The following MEIS1 variants were observed in gnomAD, a reference collection of about 807,000 sequenced individuals.
MEIS1 encodes the protein Meis homeobox 1.
In MEIS1, 5 loss-of-function variants were observed where a neutral mutation model predicts 50.8. That is an observed-to-expected ratio of 0.10 (90% CI 0.05 to 0.21). MEIS1 has a LOEUF of 0.21. Ranked by LOEUF, MEIS1 falls within the 10% of genes least tolerant of loss-of-function variation. The pLI, the probability that MEIS1 is intolerant of heterozygous loss-of-function variation, is 1.00. For missense variants in MEIS1, 318 were observed against 517.3 expected (o/e 0.61, Z 3.74); for synonymous variants, 176 against 179.3 (o/e 0.98, Z 0.15).
intron 6 of MEIS1, among the ~76,000 whole-genome samples, chr2:66,446,951 G>C (rs1175269012): frequency 6.6e-6 from 1 of 152,162 alleles, no homozygotes; most frequent in Non-Finnish European, 1.5e-5. Flanking sequence ...GCAGAGTTTG[G>C]CTTAAAATCC....
chr2:66,546,129 C>G (rs1178947661), intron 8 of MEIS1, among the ~76,000 whole-genome samples: 1 of 152,128 alleles, frequency 6.6e-6, no homozygotes, highest in Non-Finnish European at 1.5e-5. Flanking sequence ...GCAGGTGCTT[C>G]AGAGAGTGAT....
intron 9 of MEIS1, among the ~76,000 whole-genome samples, chr2:66,560,187 A>C (rs1675178108): frequency 2.0e-5 from 3 of 150,348 alleles, no homozygotes; most frequent in Non-Finnish European, 4.4e-5. Flanking sequence ...CCAAGTGATG[A>C]ATTATTTGAA....
intron 7 of MEIS1, among the ~76,000 whole-genome samples, chr2:66,470,374 T>C (rs188242882): frequency 0.012 from 1,890 of 152,276 alleles, 23 homozygotes; most frequent in Non-Finnish European, 0.015. Context: ...GCTCCACAAA[T>C]GGCCGTTATC....
intron 8 of MEIS1, among the ~76,000 whole-genome samples, chr2:66,535,341 C>CTATA (rs150221482): frequency 0.095 from 14,389 of 152,048 alleles, 782 homozygotes; most frequent in African/African-American, 0.15. Context: ...AAATGTAAAG[C>CTATA]TATATACAAA....
Position 66,548,028 on chromosome 2 carries a change from T to C in MEIS1, c.965+9T>C. The C allele has an allele frequency of 6.2e-7, 1 of 1,612,142 alleles. No homozygotes were observed. Among genetic ancestry groups the C allele is most frequent in the South Asian group, 1.1e-5 (1 of 90,824 alleles). ...CTTCAAGTGAACAATTGGTAAGTAATTTGGCTTTGTGTTTACACACAATCT... is the reference window on the plus strand; with the variant it reads ...CTTCAAGTGAACAATTGGTAAGTAACTTGGCTTTGTGTTTACACACAATCT... On this transcript the variant is annotated intron_variant, in intron 9 of 12. Transcript: ENST00000272369.
chr2:66,480,672 A>G (rs1672995443), intron 7 of MEIS1, among the ~76,000 whole-genome samples: 1 of 152,214 alleles, frequency 6.6e-6, no homozygotes, highest in Non-Finnish European at 1.5e-5. Context: ...TGAAATTTTA[A>G]AACCATCAGA....
chr2:66,474,871 G>A (rs1371017599), intron 7 of MEIS1, among the ~76,000 whole-genome samples: 1 of 152,084 alleles, frequency 6.6e-6, no homozygotes, highest in African/African-American at 2.4e-5. Context: ...AAGAAAAGGA[G>A]AATATGACCT....
intron 8 of MEIS1, among the ~76,000 whole-genome samples, chr2:66,542,846 T>G (rs148950624): frequency 2.6e-5 from 4 of 152,166 alleles, no homozygotes; most frequent in Non-Finnish European, 5.9e-5. Context: ...GCATCCACAT[T>G]TGTAGCCAAG....
intron 6 of MEIS1, among the ~76,000 whole-genome samples, chr2:66,445,625 A>AC (rs1672113865): frequency 6.6e-6 from 1 of 150,786 alleles, no homozygotes; most frequent in Non-Finnish European, 1.5e-5. Flanking sequence ...TAGCTCATTA[A>AC]CCCCTCTGTC....
intron 9 of MEIS1, among the ~76,000 whole-genome samples, chr2:66,554,949 G>C (rs2103946464): frequency 6.6e-6 from 1 of 152,276 alleles, no homozygotes; most frequent in Admixed American, 6.5e-5. Flanking sequence ...TCATAATAAA[G>C]ATAAATCAGT....
chr2:66,538,614 T>C (rs1476900762), intron 8 of MEIS1, among the ~76,000 whole-genome samples: 1 of 152,224 alleles, frequency 6.6e-6, no homozygotes, highest in East Asian at 1.9e-4. Flanking sequence ...CACAGAAATA[T>C]TTATTGGGCA....
chr2:66,499,310 A>G lies in MEIS1; in HGVS notation c.743-12839A>G, dbSNP rs186702301. 6.0e-4 allele frequency among the ~76,000 whole-genome samples: 92 copies of G among 152,244 alleles called. 2 individuals carry two copies. The highest frequency in any genetic ancestry group is 4.8e-3 in the Admixed American group (74 of 15,284). On this transcript the variant is annotated intron_variant, in intron 7 of 12. Transcript: ENST00000272369. The stretch of plus-strand genomic sequence containing the variant: ...CACACTTGCTAATCTACATTTCACA[A>G]TCTTCTTCCACTTCACTTTGTCTGC...
At chr2:66,465,948 A>G (rs1224250103) in intron 7 of MEIS1, among the ~76,000 whole-genome samples, 1 of 152,234 alleles carries the variant, frequency 6.6e-6, no homozygotes, top group Non-Finnish European at 1.5e-5. Context: ...ACTAGGAACT[A>G]CATATTATTC....
intron 8 of MEIS1, among the ~76,000 whole-genome samples, chr2:66,526,293 T>C (rs551537336): frequency 6.6e-6 from 1 of 152,304 alleles, no homozygotes; most frequent in African/African-American, 2.4e-5. Flanking sequence ...TTTACTTTGG[T>C]CTAAGTCATT....
chr2:66,477,111 T>C lies in MEIS1; in HGVS notation c.742+12891T>C, dbSNP rs1278181998. Among the ~76,000 whole-genome samples the C allele has an allele frequency of 2.0e-5, 3 of 151,930 alleles. No homozygotes were observed. The East Asian group carries it at 5.8e-4, about 29-fold the overall frequency. ...ATTCTGGCATTGGTTTAGCAGGCAG[T>C]AGGGAGTCATTGGAAATGTGAGGGT... On this transcript the variant is annotated intron_variant, in intron 7 of 12. Coordinates refer to ENST00000272369, the MANE Select transcript of MEIS1 (RefSeq NM_002398.3).
At chr2:66,512,022 A>C in intron 7 of MEIS1, 127 bp from the exon 8 acceptor site, 1 of 1,113,466 alleles carries the variant, frequency 9.0e-7, no homozygotes, top group Non-Finnish European at 1.2e-6. Flanking sequence ...CAACAAAAAA[A>C]CAGTACCAAA....
intron 7 of MEIS1, among the ~76,000 whole-genome samples, chr2:66,511,073 A>T (rs1673818283): frequency 2.0e-5 from 3 of 152,260 alleles, no homozygotes; most frequent in Admixed American, 2.0e-4. Context: ...GGCCCAGATC[A>T]ACCTGTCGGT....
At chr2:66,520,408 G>A (rs1674087168) in intron 8 of MEIS1, among the ~76,000 whole-genome samples, 1 of 151,754 alleles carries the variant, frequency 6.6e-6, no homozygotes, top group Non-Finnish European at 1.5e-5. Context: ...TTGAACCCGG[G>A]AGGTGGAGCT....
chr2:66,486,181 G>A (rs1235509308), intron 7 of MEIS1, among the ~76,000 whole-genome samples: 1 of 152,206 alleles, frequency 6.6e-6, no homozygotes, highest in Non-Finnish European at 1.5e-5. Flanking sequence ...CCATGCCAGT[G>A]TCCTGAATGT....
Sources: gnomAD v4.1 joint callset for allele counts (sites outside exome capture counted in the v4.1 genomes callset) on GRCh38, gnomAD v4.1.1 for gene constraint, MANE v1.5 for transcripts, NCBI Gene and HGNC (gene_info 2026-07-23, HGNC 2026-07-21) for gene names.